The following EYS variants were observed in gnomAD, a reference collection of about 807,000 sequenced individuals.
EYS encodes the protein EGF-like photoreceptor maintenance factor.
EYS carries 250 observed loss-of-function variants against 282.1 expected under a neutral mutation model. The ratio of observed to expected loss-of-function variants is 0.89; its 90% CI spans 0.80 to 0.98. EYS has a LOEUF of 0.98. Ranked by LOEUF, EYS falls within the 50% of genes least tolerant of loss-of-function variation. The pLI is 0.00. For missense variants in EYS, 4,016 were observed against 3,709.0 expected (o/e 1.08, Z -2.15); for synonymous variants, 1,355 against 1,282.9 (o/e 1.06, Z -1.20).
At chr6:63,978,911 ATGGAT>A (rs1314742378) in intron 35 of EYS, among the ~76,000 whole-genome samples, 1 of 151,956 alleles carries the variant, frequency 6.6e-6, no homozygotes, top group Non-Finnish European at 1.5e-5. Context: ...ATAGGGAAAG[ATGGAT>A]TGAAAGTAAA....
In EYS at chr6:63,895,926, T is replaced by G. The variant is rs1305422548; in HGVS notation, c.7056-31568A>C. On this transcript the variant is annotated intron_variant, in intron 35 of 42. Transcript: ENST00000503581. ...ATTTGTTTTTTTTTTTTTTTTTTTTTTTTTTTTCAGAAAGCTTTTTATAAG... is the reference window on the plus strand; with the variant it reads ...ATTTGTTTTTTTTTTTTTTTTTTTTGTTTTTTTCAGAAAGCTTTTTATAAG... 2.0e-4 allele frequency among the ~76,000 whole-genome samples: 25 copies of G among 123,604 alleles called. 1 individual carries two copies. In the South Asian group the frequency reaches 5.3e-3, roughly 26 times the overall value. 81.1% of individuals were successfully genotyped at this position (123,604 alleles called of 152,430 possible).
chr6:64,463,048 G>A (rs752350606), intron 26 of EYS, among the ~76,000 whole-genome samples: 12 of 147,700 alleles, frequency 8.1e-5, no homozygotes, highest in Non-Finnish European at 1.2e-4. Context: ...CCAGGTTCAC[G>A]CCATTCTCCT....
chr6:64,656,350 C>A (rs1444752410), intron 22 of EYS, among the ~76,000 whole-genome samples: 1 of 152,030 alleles, frequency 6.6e-6, no homozygotes, highest in Non-Finnish European at 1.5e-5. Context: ...GAATAACAGG[C>A]TTAACTCAGG....
intron 26 of EYS, among the ~76,000 whole-genome samples, chr6:64,459,801 T>C (rs139420233): frequency 5.6e-4 from 86 of 152,352 alleles, no homozygotes; most frequent in African/African-American, 1.8e-3. Flanking sequence ...AGGGTGGGTC[T>C]GTCTCTCACA....
At chr6:64,865,691 T>G (rs1227395628) in intron 19 of EYS, among the ~76,000 whole-genome samples, 2 of 152,056 alleles carry the variant, frequency 1.3e-5, no homozygotes, top group African/African-American at 4.8e-5. Context: ...ATTATGTTCA[T>G]TTTTTTCTGC....
chr6:64,712,301 G>T (rs1213242520), intron 22 of EYS, among the ~76,000 whole-genome samples: 4 of 152,208 alleles, frequency 2.6e-5, no homozygotes, highest in Non-Finnish European at 5.9e-5. Flanking sequence ...CAAAAGGTAG[G>T]TGGAGTATAC....
chr6:65,497,990 A>G (rs1330893359), intron 2 of EYS, among the ~76,000 whole-genome samples: 1 of 152,106 alleles, frequency 6.6e-6, no homozygotes, highest in African/African-American at 2.4e-5. Context: ...AATGTAGTGA[A>G]ACAATAATGA....
Position 64,945,899 on chromosome 6 carries a change from A to G in EYS, c.2275T>C (p.Cys759Arg). Residue 759 changes from cysteine (C) to arginine (R), a missense_variant, in exon 15 of 43, where the codon TGC becomes CGC. Physicochemically the swap from Cys to Arg is radical, Grantham distance 180. Coordinates refer to ENST00000503581, the MANE Select transcript of EYS (RefSeq NM_001142800.2). ...AAATTTCCTTCCCAATCAGATAGGC[A>G]CACACACTGGTAGCTCTAAGAGAAT... The part of the protein sequence containing the change: ...KDLHLSYQCV[C>R]LSDWEGNFCE... 6.5e-7 allele frequency: 1 copy of G among 1,546,566 alleles called. No individual in the cohort carries two copies. The highest frequency in any genetic ancestry group is 8.7e-7 in the Non-Finnish European group (1 of 1,142,976).
At chr6:63,859,062 G>A (rs1465094696) in intron 36 of EYS, among the ~76,000 whole-genome samples, 1 of 96,992 alleles carries the variant, frequency 1.0e-5, no homozygotes, top group Non-Finnish European at 2.0e-5. Flanking sequence ...GATTTCCATT[G>A]ATGTCCTAGA....
intron 12 of EYS, among the ~76,000 whole-genome samples, chr6:65,122,753 G>A (rs1391791025): frequency 6.6e-6 from 1 of 151,896 alleles, no homozygotes; most frequent in Admixed American, 6.6e-5. Context: ...ACTATTTTCT[G>A]TTTTACTCTT....
intron 22 of EYS, among the ~76,000 whole-genome samples, chr6:64,705,270 A>G (rs534290250): frequency 1.3e-5 from 2 of 152,204 alleles, no homozygotes; most frequent in Non-Finnish European, 2.9e-5. Context: ...GAATTTACCT[A>G]ACCAATGAAG....
chr6:64,064,378 A>G (rs1373930836), intron 33 of EYS, among the ~76,000 whole-genome samples: 1 of 152,206 alleles, frequency 6.6e-6, no homozygotes, highest in Admixed American at 6.5e-5. Context: ...ATATTAAGAC[A>G]TCGAGAGCAT....
intron 27 of EYS, among the ~76,000 whole-genome samples, chr6:64,438,943 T>C (rs1291486523): frequency 6.6e-6 from 1 of 151,660 alleles, no homozygotes; most frequent in African/African-American, 2.4e-5. Context: ...GTTAACCACT[T>C]TATATTATTA....
chr6:64,829,190 G>C (rs1765145203), intron 19 of EYS, among the ~76,000 whole-genome samples: 1 of 151,978 alleles, frequency 6.6e-6, no homozygotes, highest in South Asian at 2.1e-4. Context: ...TGCAATGCAT[G>C]TTAATGCAGA....
chr6:65,500,938 TTTG>T (rs1766428964), intron 2 of EYS, among the ~76,000 whole-genome samples: 1 of 151,968 alleles, frequency 6.6e-6, no homozygotes, highest in Admixed American at 6.6e-5. Context: ...GTCAGAACTT[TTTG>T]TTTTGCTCAT....
At position 64,706,697 on chromosome 6, in the gene EYS, C is replaced by A. The variant is rs1054024296; in HGVS notation, c.3444-80452G>T. ...CTAAAGAAGATATACAAATGGCCAA[C>A]AAACATATAAAATAACATTCATTAT... On this transcript the variant is annotated intron_variant, in intron 22 of 42. Coordinates refer to ENST00000503581, the MANE Select transcript of EYS (RefSeq NM_001142800.2). Among the ~76,000 whole-genome samples, 4 of 152,030 alleles carry A rather than the reference C, an allele frequency of 2.6e-5. No individual in the cohort carries two copies. In the South Asian group the frequency reaches 8.3e-4, roughly 31 times the overall value.
At chr6:64,166,298 G>C (rs1005015436) in intron 31 of EYS, among the ~76,000 whole-genome samples, 7 of 152,166 alleles carry the variant, frequency 4.6e-5, no homozygotes, top group African/African-American at 1.7e-4. Context: ...TATTCCCATA[G>C]CTTGCAATTT....
intron 33 of EYS, among the ~76,000 whole-genome samples, chr6:64,063,706 G>T (rs1188236318): frequency 2.0e-5 from 3 of 151,980 alleles, no homozygotes; most frequent in East Asian, 1.9e-4. Context: ...ATATGCCATG[G>T]TTTTTTCTAG....
intron 12 of EYS, among the ~76,000 whole-genome samples, chr6:65,220,216 T>A (rs1766425487): frequency 6.6e-6 from 1 of 152,116 alleles, no homozygotes; most frequent in African/African-American, 2.4e-5. Context: ...ATTTTATTTT[T>A]AAAAGTATCA....
Sources: allele counts gnomAD v4.1 joint callset (sites outside exome capture counted in the v4.1 genomes callset), GRCh38; gene constraint gnomAD v4.1.1; transcripts MANE v1.5; gene names NCBI Gene and HGNC (gene_info 2026-07-23, HGNC 2026-07-21).